BNC2: variants seen among roughly 807,000 people sequenced by gnomAD.
The protein encoded by BNC2 is basonuclin zinc finger protein 2.
BNC2 carries 20 observed loss-of-function variants against 76.3 expected under a neutral mutation model. The observed-to-expected ratio is 0.26, with a 90% CI of 0.18 to 0.38. The LOEUF (loss-of-function observed/expected upper bound fraction) is 0.38, where lower values mean the gene tolerates loss of function less well. Among genes scored for constraint, BNC2 ranks in the 10% least tolerant of loss-of-function variants. The pLI, the probability that BNC2 is intolerant of heterozygous loss-of-function variation, is 1.00. For synonymous variants in BNC2, 582 were observed against 514.8 expected (o/e 1.13, Z -1.77); for missense variants, 1,382 against 1,399.8 (o/e 0.99, Z 0.20).
chr9:16,650,673 G>C (rs945727489), intron 3 of BNC2, among the ~76,000 whole-genome samples: 2 of 151,992 alleles, frequency 1.3e-5, no homozygotes, highest in Non-Finnish European at 2.9e-5. Flanking sequence ...ATTATATATA[G>C]GTAAATGTAG....
At chr9:16,549,104 C>A (rs1274203001) in intron 5 of BNC2, among the ~76,000 whole-genome samples, 1 of 152,176 alleles carries the variant, frequency 6.6e-6, no homozygotes, top group Non-Finnish European at 1.5e-5. Flanking sequence ...TTTGAAAGTT[C>A]TGCTCCCCTC....
chr9:16,435,491 C>T (rs1023848549), intron 6 of BNC2, 64 bp downstream of exon 6: 1 of 1,576,046 alleles, frequency 6.3e-7, no homozygotes, highest in Non-Finnish European at 8.7e-7. Flanking sequence ...AGTGTGAAGT[C>T]CAACATGACT....
chr9:16,519,020 G>C (rs369207947), intron 5 of BNC2, among the ~76,000 whole-genome samples: 1 of 152,216 alleles, frequency 6.6e-6, no homozygotes, highest in Non-Finnish European at 1.5e-5. Flanking sequence ...AGAAGAGAAG[G>C]TGTGCTTGCC....
chr9:16,497,743 G>A (rs568541430), intron 5 of BNC2, among the ~76,000 whole-genome samples: 1 of 152,208 alleles, frequency 6.6e-6, no homozygotes, highest in African/African-American at 2.4e-5. Flanking sequence ...AAGTAAAAAG[G>A]TTGGGCTAAA....
chr9:16,632,445 T>G (rs1319516826), intron 3 of BNC2, among the ~76,000 whole-genome samples: 1 of 151,700 alleles, frequency 6.6e-6, no homozygotes, highest in Non-Finnish European at 1.5e-5. Context: ...AAAAAATCTG[T>G]GTATGTAAAA....
intron 1 of BNC2, among the ~76,000 whole-genome samples, chr9:16,852,980 G>T (rs1819163469): frequency 6.6e-6 from 1 of 152,180 alleles, no homozygotes; most frequent in Admixed American, 6.5e-5. Flanking sequence ...TTCAGTGATG[G>T]TAAGGAGTTG....
At chr9:16,589,988 G>C (rs1279949773) in intron 3 of BNC2, among the ~76,000 whole-genome samples, 1 of 152,024 alleles carries the variant, frequency 6.6e-6, no homozygotes, top group African/African-American at 2.4e-5. Flanking sequence ...CTCAGGTGTG[G>C]TGGCTTAAAC....
At chr9:16,790,616 T>A (rs755526410) in intron 1 of BNC2, among the ~76,000 whole-genome samples, 6 of 152,196 alleles carry the variant, frequency 3.9e-5, no homozygotes, top group Non-Finnish European at 7.3e-5. Context: ...ATCCTTTGTG[T>A]TTTCACAGTT....
intron 4 of BNC2, among the ~76,000 whole-genome samples, chr9:16,568,453 A>G (rs910991628): frequency 4.6e-5 from 7 of 152,136 alleles, no homozygotes; most frequent in Non-Finnish European, 1.0e-4. Flanking sequence ...ATAATTTTCA[A>G]TTATACCACA....
chr9:16,714,895 C>T (rs550853886), intron 3 of BNC2, among the ~76,000 whole-genome samples: 2 of 152,230 alleles, frequency 1.3e-5, no homozygotes, highest in African/African-American at 4.8e-5. Context: ...TAAAGAGACC[C>T]TTCAAAAAAT....
chr9:16,659,501 G>A (rs756119276), intron 3 of BNC2, among the ~76,000 whole-genome samples: 5 of 151,928 alleles, frequency 3.3e-5, no homozygotes, highest in East Asian at 1.9e-4. Context: ...CCAGCTACTC[G>A]GGAGGCTGAG....
At chr9:16,732,003 G>C (rs547212271) in intron 2 of BNC2, among the ~76,000 whole-genome samples, 4 of 152,046 alleles carry the variant, frequency 2.6e-5, no homozygotes, top group African/African-American at 9.6e-5. Context: ...CAAGACTATA[G>C]GGAGGCACAA....
intron 3 of BNC2, among the ~76,000 whole-genome samples, chr9:16,584,688 T>C (rs1047207347): frequency 2.0e-5 from 3 of 152,164 alleles, no homozygotes; most frequent in African/African-American, 7.2e-5. Flanking sequence ...GGAGAAACGT[T>C]TCTTCCAGAA....
intron 1 of BNC2, among the ~76,000 whole-genome samples, chr9:16,765,829 C>T (rs960047821): frequency 6.6e-6 from 1 of 151,632 alleles, no homozygotes; most frequent in African/African-American, 2.4e-5. Flanking sequence ...CTCTGTCGCC[C>T]AGGCTGGAGT....
At chr9:16,758,622 C>A (rs1383254001) in intron 1 of BNC2, among the ~76,000 whole-genome samples, 1 of 152,180 alleles carries the variant, frequency 6.6e-6, no homozygotes, top group Non-Finnish European at 1.5e-5. Context: ...AGCCACAGCG[C>A]CCAGCCCAAA....
chr9:16,831,140 A>G (rs1349675388), intron 1 of BNC2, among the ~76,000 whole-genome samples: 1 of 152,204 alleles, frequency 6.6e-6, no homozygotes, highest in Non-Finnish European at 1.5e-5. Context: ...AAAAGAAATA[A>G]TCTGTGTATT....
In BNC2 at chr9:16,611,142, T is replaced by C. The variant is rs189773172; in HGVS notation, c.331-28057A>G. ...ATGGTTCTAATTCTATGCTTTAATATGTACAATATGTCTGTGGTTGTGCTG... is the reference window on the plus strand; with the variant it reads ...ATGGTTCTAATTCTATGCTTTAATACGTACAATATGTCTGTGGTTGTGCTG... On this transcript the variant is annotated intron_variant, in intron 3 of 6. Transcript: ENST00000380672. Among the ~76,000 whole-genome samples, 38 of 152,310 alleles carry C rather than the reference T, an allele frequency of 2.5e-4. No individual in the cohort carries two copies. The East Asian group carries it at 6.6e-3, about 26-fold the overall frequency.
intron 3 of BNC2, among the ~76,000 whole-genome samples, chr9:16,692,739 G>A (rs1006288615): frequency 6.6e-6 from 1 of 152,140 alleles, no homozygotes; most frequent in African/African-American, 2.4e-5. Context: ...AGGGACCAAG[G>A]GCCAACTCAA....
At chr9:16,687,123 T>C (rs965165804) in intron 3 of BNC2, among the ~76,000 whole-genome samples, 1 of 152,048 alleles carries the variant, frequency 6.6e-6, no homozygotes, top group South Asian at 2.1e-4. Context: ...CAGAGTCACA[T>C]GTTATTAGGT....
Sources: gnomAD v4.1 joint callset for allele counts (sites outside exome capture counted in the v4.1 genomes callset) on GRCh38, gnomAD v4.1.1 for gene constraint, MANE v1.5 for transcripts, NCBI Gene and HGNC (gene_info 2026-07-23, HGNC 2026-07-21) for gene names.